The following PTK2B variants were observed in gnomAD, a reference collection of about 807,000 sequenced individuals.
PTK2B encodes protein-tyrosine kinase 2-beta.
PTK2B carries 71 observed loss-of-function variants against 142.9 expected under a neutral mutation model. That is an observed-to-expected ratio of 0.50 (90% CI 0.41 to 0.61). The LOEUF (loss-of-function observed/expected upper bound fraction) is 0.61. PTK2B is among the 20% of genes least tolerant of loss of function. PTK2B has a pLI of 0.00. For synonymous variants in PTK2B, 519 were observed against 503.4 expected (o/e 1.03, Z -0.42); for missense variants, 1,105 against 1,320.4 (o/e 0.84, Z 2.53).
At chr8:27,412,626 A>G (rs1022009706) in intron 2 of PTK2B, among the ~76,000 whole-genome samples, 1 of 152,162 alleles carries the variant, frequency 6.6e-6, no homozygotes, top group Non-Finnish European at 1.5e-5. Context: ...AGCACATTTC[A>G]TGCTTAGAAA....
chr8:27,367,258 C>A (rs1307862228), intron 1 of PTK2B, among the ~76,000 whole-genome samples: 1 of 152,184 alleles, frequency 6.6e-6, no homozygotes, highest in South Asian at 2.1e-4. Flanking sequence ...GGCCCAGTGG[C>A]CATCCTGGTT....
intron 1 of PTK2B, among the ~76,000 whole-genome samples, chr8:27,331,445 A>G (rs938350409): frequency 6.7e-6 from 1 of 148,304 alleles, no homozygotes; most frequent in African/African-American, 2.5e-5. Context: ...CACTTGGAGC[A>G]CCATCATTTT....
intron 1 of PTK2B, among the ~76,000 whole-genome samples, chr8:27,330,670 T>C (rs1322344956): frequency 2.0e-5 from 3 of 152,216 alleles, no homozygotes; most frequent in African/African-American, 4.8e-5. Flanking sequence ...GTCACTCTGC[T>C]ATTTCTCAAG....
chr8:27,315,588 G>A (rs769924058), intron 3 of PTK2B, among the ~76,000 whole-genome samples: 1 of 151,768 alleles, frequency 6.6e-6, no homozygotes, highest in African/African-American at 2.4e-5. Context: ...TGCTGTCTAT[G>A]TGTTTCATTC....
At chr8:27,445,454 G>T (rs1422806995) in intron 23 of PTK2B, among the ~76,000 whole-genome samples, 1 of 152,104 alleles carries the variant, frequency 6.6e-6, no homozygotes, top group African/African-American at 2.4e-5. Flanking sequence ...ATAAATTGGT[G>T]TGTTAACCAC....
chr8:27,416,636 C>A (rs1393769258), intron 2 of PTK2B, among the ~76,000 whole-genome samples: 1 of 152,182 alleles, frequency 6.6e-6, no homozygotes, highest in African/African-American at 2.4e-5. Context: ...ACAAGTTAGA[C>A]TCTGTCAGAA....
intron 1 of PTK2B, among the ~76,000 whole-genome samples, chr8:27,383,598 T>C (rs1807162356): frequency 6.6e-6 from 1 of 152,158 alleles, no homozygotes; most frequent in African/African-American, 2.4e-5. Flanking sequence ...GTTTCCATCA[T>C]AAAGGTCTTT....
rs368528511 is a variant in PTK2B, at chr8:27,387,198, A to C, written c.-37-10350A>C. On this transcript the variant is annotated intron_variant, in intron 1 of 30. Coordinates refer to ENST00000346049, the MANE Select transcript of PTK2B (RefSeq NM_173176.3). ...GGCTGTGGACTGTGTTTGTTGGGGT[A>C]CAGTGGAAAATCTGAGCTCTGGTCT... Among the ~76,000 whole-genome samples the C allele has an allele frequency of 6.6e-5, 10 of 152,262 alleles. No individual in the cohort carries two copies. The East Asian group carries it at 1.7e-3, about 26-fold the overall frequency.
intron 1 of PTK2B, among the ~76,000 whole-genome samples, chr8:27,355,563 G>A (rs1805348187): frequency 1.3e-5 from 2 of 152,142 alleles, no homozygotes. Flanking sequence ...CTAAATTGGT[G>A]GTAATTTGTT....
chr8:27,410,831 A>G (rs900316175), intron 2 of PTK2B, among the ~76,000 whole-genome samples: 6 of 152,192 alleles, frequency 3.9e-5, no homozygotes, highest in African/African-American at 1.4e-4. Context: ...GAATAGGGAG[A>G]GAGGCAAAGG....
chr8:27,440,132 G>A (rs573104302), intron 20 of PTK2B, 105 bp from the exon 21 acceptor site: 32 of 1,192,014 alleles, frequency 2.7e-5, no homozygotes, highest in Admixed American at 1.2e-4. Flanking sequence ...AGGAGGGACC[G>A]CAGGAGCTGC....
Position 27,454,561 on chromosome 8 carries a change from G to A in PTK2B, c.2764G>A (p.Gly922Arg), listed in dbSNP as rs1449177744. The change falls in exon 30 of 31, where the codon GGG becomes AGG. Residue 922 changes from glycine to arginine, a missense_variant. Transcript: ENST00000346049. The stretch of plus-strand genomic sequence containing the variant: ...GGGGCTGACCCTGCGGAAGCTCATC[G>A]GGAGCGTGGATGATCTCCTGCCTTC... ...NVGLTLRKLI[G>R]SVDDLLPSLP... 5.6e-6 allele frequency: 9 copies of A among 1,614,064 alleles called. No homozygotes were observed. The highest frequency in any genetic ancestry group is 3.3e-5 in the Admixed American group (2 of 60,010).
intron 5 of PTK2B, among the ~76,000 whole-genome samples, chr8:27,425,088 G>A (rs1021928231): frequency 1.4e-5 from 2 of 147,740 alleles, no homozygotes; most frequent in African/African-American, 5.0e-5. Context: ...AACACGTTAT[G>A]TTTCTATATA....
rs71553856 is a variant in PTK2B at position 27,385,892 on chromosome 8, CA to C, written c.-37-11637del. On this transcript the variant is annotated intron_variant, in intron 1 of 30. Coordinates refer to ENST00000346049, the MANE Select transcript of PTK2B (RefSeq NM_173176.3). ...TGGGTGACAAAGTGAGATTCCGTCT[CA>C]AAAAAAAAAAAAAAAAAAGACAGTA... is the stretch of plus-strand genomic sequence containing the variant. 8.4e-3 allele frequency among the ~76,000 whole-genome samples: 925 copies of C among 109,990 alleles called. 24 individuals are homozygous for C. Among genetic ancestry groups the C allele is most frequent in the Admixed American group, 0.062 (608 of 9,886 alleles). The allele number at this position is 109,990 out of a possible 152,430, so 72.2% of individuals were successfully genotyped here. A position where few individuals can be genotyped will look rare whatever the true frequency, so the allele number is the denominator to read the frequency against.
At chr8:27,390,673 G>A (rs1807661397) in intron 1 of PTK2B, among the ~76,000 whole-genome samples, 1 of 151,972 alleles carries the variant, frequency 6.6e-6, no homozygotes, top group South Asian at 2.1e-4. Flanking sequence ...TTAAATTTCA[G>A]AATTAAAAAG....
intron 1 of PTK2B, among the ~76,000 whole-genome samples, chr8:27,396,568 C>T (rs1808063913): frequency 6.6e-6 from 1 of 152,204 alleles, no homozygotes; most frequent in African/African-American, 2.4e-5. Flanking sequence ...GAGGTTAGGG[C>T]TTGGTTTAGG....
intron 2 of PTK2B, among the ~76,000 whole-genome samples, chr8:27,398,177 T>G (rs1808179175): frequency 6.6e-6 from 1 of 152,216 alleles, no homozygotes; most frequent in Non-Finnish European, 1.5e-5. Context: ...GCATTAAAAA[T>G]AGAACAAAAC....
chr8:27,360,337 C>T (rs1219600107), intron 1 of PTK2B, among the ~76,000 whole-genome samples: 2 of 152,240 alleles, frequency 1.3e-5, no homozygotes, highest in Non-Finnish European at 2.9e-5. Context: ...GGAATCCATG[C>T]GCGATGCCGG....
chr8:27,450,859 G>A lies in PTK2B; in HGVS notation c.2451G>A (p.Glu817=), dbSNP rs761658938. The A allele has an allele frequency of 6.2e-7, 1 of 1,614,224 alleles. No individual in the cohort carries two copies. The highest frequency in any genetic ancestry group is 8.5e-7 in the Non-Finnish European group (1 of 1,180,044). ...ACAAACAGCAGAAGCAGATGGTGGA[G>A]GACTACCAGTGGCTCAGGCAGGAGG... ...ILDKQQKQMV[E]DYQWLRQEEK... The change falls in exon 25 of 31, where the codon GAG becomes GAA. Residue 817 remains glutamate (E), a synonymous_variant. Coordinates refer to ENST00000346049, the MANE Select transcript of PTK2B (RefSeq NM_173176.3).
Sources: allele counts gnomAD v4.1 joint callset (sites outside exome capture counted in the v4.1 genomes callset), GRCh38; gene constraint gnomAD v4.1.1; transcripts MANE v1.5; gene names NCBI Gene and HGNC (gene_info 2026-07-23, HGNC 2026-07-21).